The following SBNO1 variants were observed in gnomAD, a reference collection of about 807,000 sequenced individuals.
SBNO1 encodes protein strawberry notch homolog 1.
In SBNO1, 23 loss-of-function variants were observed where a neutral mutation model predicts 173.6. That is an observed-to-expected ratio of 0.13 (90% CI 0.10 to 0.19). The LOEUF (loss-of-function observed/expected upper bound fraction) is 0.19, where lower values mean the gene tolerates loss of function less well. SBNO1 is among the 10% of genes least tolerant of loss of function. The pLI, the probability that SBNO1 is intolerant of heterozygous loss-of-function variation, is 1.00. For synonymous variants in SBNO1, 632 were observed against 571.5 expected (o/e 1.11, Z -1.51); for missense variants, 1,238 against 1,671.2 (o/e 0.74, Z 4.52).
intron 6 of SBNO1, among the ~76,000 whole-genome samples, chr12:123,335,528 TACA>T (rs1566043571): frequency 1.3e-5 from 2 of 152,202 alleles, no homozygotes; most frequent in East Asian, 1.9e-4. Context: ...CCCCAAAATG[TACA>T]ACATGAATAC....
In SBNO1 at chr12:123,320,170, AAC is replaced by A. The variant is rs561590890; in HGVS notation, c.2668-141_2668-140del. 1.1e-4 allele frequency: 111 copies of A among 1,015,018 alleles called. 4 individuals carry two copies. In the South Asian group the frequency reaches 1.7e-3, roughly 16 times the overall value. The allele number at this position is 1,015,018 out of a possible 1,614,324, so 62.9% of individuals were successfully genotyped here. ...CACACTGAAGGATACAGAACACTGC[AAC>A]AGAGTCCCTGGAAAAACCTTGACAC... On this transcript the variant is annotated intron_variant, in intron 19 of 31. Transcript: ENST00000602398.
chr12:123,352,831 T>G (rs990241550), intron 1 of SBNO1, among the ~76,000 whole-genome samples: 4 of 151,856 alleles, frequency 2.6e-5, no homozygotes, highest in Non-Finnish European at 5.9e-5. Flanking sequence ...GGAGTCTAGC[T>G]CTGTCACCCA....
chr12:123,326,094 CCA>C (rs1409321353), intron 14 of SBNO1, 56 bp downstream of exon 14: 15 of 1,191,918 alleles, frequency 1.3e-5, no homozygotes, highest in Middle Eastern at 2.1e-4. Context: ...ACCTCAGCAC[CCA>C]CAAAGACTAA....
intron 1 of SBNO1, 144 bp from the exon 2 acceptor site, chr12:123,350,585 G>A (rs1873760395): frequency 1.5e-6 from 1 of 685,348 alleles, no homozygotes; most frequent in Non-Finnish European, 2.5e-6. Flanking sequence ...CAGACAAAGA[G>A]GATAAAAGAG....
At chr12:123,296,571 T>C (rs541536082) in intron 31 of SBNO1, among the ~76,000 whole-genome samples, 1 of 151,878 alleles carries the variant, frequency 6.6e-6, no homozygotes, top group Non-Finnish European at 1.5e-5. Context: ...TTTTTTGTTT[T>C]TTTTTTCTGA....
chr12:123,312,208 G>C (rs1170550893), intron 24 of SBNO1, among the ~76,000 whole-genome samples: 1 of 151,932 alleles, frequency 6.6e-6, no homozygotes, highest in Non-Finnish European at 1.5e-5. Flanking sequence ...CCAAAGTGCT[G>C]GGATTACGGG....
chr12:123,338,683 A>T (rs1279451839), intron 5 of SBNO1, among the ~76,000 whole-genome samples: 1 of 152,042 alleles, frequency 6.6e-6, no homozygotes, highest in Non-Finnish European at 1.5e-5. Context: ...ACTCCATCTC[A>T]AAATAAATAA....
chr12:123,325,295 A>C (rs1870493384), intron 15 of SBNO1, among the ~76,000 whole-genome samples: 1 of 152,196 alleles, frequency 6.6e-6, no homozygotes, highest in Non-Finnish European at 1.5e-5. Flanking sequence ...AATATTAGCA[A>C]AATGCTTAAC....
At chr12:123,313,760 T>G (rs756616504) in intron 23 of SBNO1, 41 bp from the exon 24 acceptor site, 81 of 1,184,836 alleles carry the variant, frequency 6.8e-5, no homozygotes, top group East Asian at 1.9e-4. Context: ...TTTCAGCATT[T>G]GGATACTCTT....
chr12:123,322,967 T>G (rs1465745559), intron 16 of SBNO1, among the ~76,000 whole-genome samples: 1 of 152,162 alleles, frequency 6.6e-6, no homozygotes, highest in Non-Finnish European at 1.5e-5. Flanking sequence ...AGAACAGGTC[T>G]GACAATACAA....
At chr12:123,333,393 C>T (rs1052479630) in intron 7 of SBNO1, among the ~76,000 whole-genome samples, 2 of 152,114 alleles carry the variant, frequency 1.3e-5, no homozygotes, top group Admixed American at 1.3e-4. Context: ...TCTTTTCCAG[C>T]TGGAGGGACA....
intron 4 of SBNO1, 25 bp from the exon 5 acceptor site, chr12:123,341,113 A>C (rs1461242410): frequency 2.3e-6 from 3 of 1,302,820 alleles, no homozygotes; most frequent in Non-Finnish European, 3.2e-6. Context: ...GTCAAATTAC[A>C]TTTAGAAGAA....
intron 1 of SBNO1, among the ~76,000 whole-genome samples, chr12:123,353,807 G>A (rs1277714768): frequency 1.3e-5 from 2 of 152,106 alleles, no homozygotes; most frequent in East Asian, 3.9e-4. Context: ...CAGATTAATA[G>A]AACTCTGGAG....
At chr12:123,333,059 G>A (rs1228573346) in intron 7 of SBNO1, among the ~76,000 whole-genome samples, 2 of 152,048 alleles carry the variant, frequency 1.3e-5, no homozygotes, top group Non-Finnish European at 2.9e-5. Flanking sequence ...GGGAGGCGGA[G>A]GTTCCAGTGA....
intron 25 of SBNO1, 23 bp downstream of exon 25, chr12:123,311,032 C>T (rs1868424502): frequency 6.5e-7 from 1 of 1,535,124 alleles, no homozygotes; most frequent in African/African-American, 1.4e-5. Context: ...AGTTATATGC[C>T]CACACAAAGC....
At chr12:123,358,252 G>A (rs901878764) in intron 1 of SBNO1, among the ~76,000 whole-genome samples, 1 of 152,212 alleles carries the variant, frequency 6.6e-6, no homozygotes, top group African/African-American at 2.4e-5. Flanking sequence ...GATCACTCAC[G>A]TGAGGTCAAG....
At chr12:123,315,341 A>C (rs780765992) in intron 23 of SBNO1, 32 bp downstream of exon 23, 4 of 1,534,500 alleles carry the variant, frequency 2.6e-6, no homozygotes, top group Non-Finnish European at 3.6e-6. Context: ...CACTATCACA[A>C]GTTTTCAGAG....
Position 123,295,731 on chromosome 12 carries a change from C to T in SBNO1, c.*177G>A. 1.4e-6 allele frequency: 1 copy of T among 702,812 alleles called. No individual in the cohort carries two copies. Among genetic ancestry groups the T allele is most frequent in the Admixed American group, 2.3e-5 (1 of 42,706 alleles). 43.5% of individuals were successfully genotyped at this position (702,812 alleles called of 1,614,324 possible). On this transcript the variant is annotated 3_prime_UTR_variant, in exon 32 of 32. Coordinates refer to ENST00000602398, the MANE Select transcript of SBNO1 (RefSeq NM_001167856.3). ...GGAAAGACATATGTACCACCATCAG[C>T]ACTGCTGATTTTCAGTTTTGCTATC...
chr12:123,323,873 AAAT>A (rs754566246), intron 15 of SBNO1, 42 bp from the exon 16 acceptor site: 1 of 1,444,458 alleles, frequency 6.9e-7, no homozygotes, highest in South Asian at 1.4e-5. Flanking sequence ...TCAGTTGACA[AAAT>A]AATTATATGT....
Sources: allele counts gnomAD v4.1 joint callset (sites outside exome capture counted in the v4.1 genomes callset), GRCh38; gene constraint gnomAD v4.1.1; transcripts MANE v1.5; gene names NCBI Gene and HGNC (gene_info 2026-07-23, HGNC 2026-07-21).